Variants in CNTN5 observed in about 807,000 individuals in gnomAD.
The protein encoded by CNTN5 is contactin 5.
In CNTN5, 77 loss-of-function variants were observed where a neutral mutation model predicts 129.1. That is an observed-to-expected ratio of 0.60 (90% CI 0.50 to 0.72). CNTN5 has a LOEUF of 0.72. Among genes scored for constraint, CNTN5 ranks in the 30% least tolerant of loss-of-function variants. The pLI is 0.00. For synonymous variants in CNTN5, 509 were observed against 465.6 expected (o/e 1.09, Z -1.20); for missense variants, 1,478 against 1,328.8 (o/e 1.11, Z -1.75).
intron 21 of CNTN5, chr11:100,308,749 T>G: frequency 9.7e-7 from 1 of 1,031,594 alleles, no homozygotes; most frequent in Non-Finnish European, 1.2e-6. Context: ...GATATTTAAT[T>G]GTATCCAATT....
chr11:99,397,788 T>A (rs1941602632), intron 2 of CNTN5, among the ~76,000 whole-genome samples: 1 of 151,778 alleles, frequency 6.6e-6, no homozygotes, highest in African/African-American at 2.4e-5. Flanking sequence ...AATCAACCAT[T>A]TCTCCAAGGA....
Position 99,238,444 on chromosome 11 carries a change from TG to T in CNTN5, c.-209-86899del, listed in dbSNP as rs1163164466. Among the ~76,000 whole-genome samples the T allele has an allele frequency of 1.1e-4, 16 of 152,304 alleles. No homozygotes were observed. In the South Asian group the frequency reaches 2.9e-3, roughly 28 times the overall value. On this transcript the variant is annotated intron_variant, in intron 1 of 24. Coordinates refer to ENST00000524871, the MANE Select transcript of CNTN5 (RefSeq NM_014361.4). ...ATATCCCAGAATCATCTATCATTGC[TG>T]GGTCTTACACACCACTTCAGGAACT...
intron 2 of CNTN5, among the ~76,000 whole-genome samples, chr11:99,382,643 A>G (rs1454459271): frequency 6.6e-6 from 1 of 152,000 alleles, no homozygotes; most frequent in East Asian, 1.9e-4. Flanking sequence ...ATCCAGTGCC[A>G]TGACTTGAAC....
chr11:99,543,918 CAAAAAAACAA>C (rs770828796), intron 2 of CNTN5, among the ~76,000 whole-genome samples: 89 of 23,156 alleles, frequency 3.8e-3, no homozygotes, highest in South Asian at 8.3e-3. Flanking sequence ...GAGTCTGTCT[CAAAAAAACAA>C]AAAAAAAAAA....
At chr11:100,267,492 A>G (rs964207937) in intron 17 of CNTN5, among the ~76,000 whole-genome samples, 2 of 152,156 alleles carry the variant, frequency 1.3e-5, no homozygotes, top group Non-Finnish European at 2.9e-5. Flanking sequence ...AATTTGAAAT[A>G]GAGTGGTCAG....
intron 6 of CNTN5, among the ~76,000 whole-genome samples, chr11:99,904,122 T>C (rs1949431660): frequency 6.6e-6 from 1 of 152,170 alleles, no homozygotes. Context: ...TAGATAATTT[T>C]GTATCTTATA....
chr11:99,504,249 A>G (rs1946530963), intron 2 of CNTN5, among the ~76,000 whole-genome samples: 1 of 152,234 alleles, frequency 6.6e-6, no homozygotes, highest in South Asian at 2.1e-4. Context: ...ATGATCCAAA[A>G]GAAATTAAAG....
chr11:100,138,632 G>A (rs1037003084), intron 13 of CNTN5, among the ~76,000 whole-genome samples: 1 of 152,040 alleles, frequency 6.6e-6, no homozygotes, highest in Admixed American at 6.6e-5. Flanking sequence ...GGTAGGTGAT[G>A]TGGTTACAGA....
chr11:99,868,506 T>C (rs1276607476), intron 6 of CNTN5, among the ~76,000 whole-genome samples: 1 of 152,218 alleles, frequency 6.6e-6, no homozygotes, highest in Non-Finnish European at 1.5e-5. Context: ...AAATGAGATT[T>C]AAACTTAGGT....
At chr11:100,045,655 A>G (rs1011175305) in intron 9 of CNTN5, among the ~76,000 whole-genome samples, 1 of 152,004 alleles carries the variant, frequency 6.6e-6, no homozygotes, top group Non-Finnish European at 1.5e-5. Context: ...ATGAGACTGG[A>G]AACCAGTGGT....
intron 1 of CNTN5, among the ~76,000 whole-genome samples, chr11:99,030,192 G>GTT (rs202066307): frequency 6.6e-6 from 1 of 150,984 alleles, no homozygotes; most frequent in Admixed American, 6.6e-5. Flanking sequence ...CTAACTCATA[G>GTT]TTTTTTTTTG....
intron 3 of CNTN5, among the ~76,000 whole-genome samples, chr11:99,695,666 G>A (rs1954236529): frequency 6.6e-6 from 1 of 151,840 alleles, no homozygotes; most frequent in Non-Finnish European, 1.5e-5. Context: ...GGTGAGAGGA[G>A]GTTTGAGACC....
intron 1 of CNTN5, among the ~76,000 whole-genome samples, chr11:99,129,047 CTCT>C (rs1371864584): frequency 2.0e-5 from 3 of 152,272 alleles, no homozygotes; most frequent in East Asian, 3.9e-4. Flanking sequence ...CCAGAAATGC[CTCT>C]TCTTCTCCAA....
At chr11:99,553,401 T>G (rs532315052) in intron 2 of CNTN5, among the ~76,000 whole-genome samples, 3 of 152,222 alleles carry the variant, frequency 2.0e-5, no homozygotes, top group East Asian at 3.9e-4. Context: ...ACCTAATATA[T>G]GTGTAATTAA....
At chr11:99,081,295 A>G (rs1028805689) in intron 1 of CNTN5, among the ~76,000 whole-genome samples, 1 of 152,062 alleles carries the variant, frequency 6.6e-6, no homozygotes, top group East Asian at 1.9e-4. Context: ...TTCACAATTA[A>G]CTGTGGAGCT....
At chr11:100,269,834 T>C (rs954046009) in intron 17 of CNTN5, among the ~76,000 whole-genome samples, 3 of 152,144 alleles carry the variant, frequency 2.0e-5, no homozygotes, top group African/African-American at 2.4e-5. Context: ...AACAGTGATG[T>C]TAAGTCCTGG....
intron 4 of CNTN5, among the ~76,000 whole-genome samples, chr11:99,828,268 A>G (rs1272957189): frequency 6.6e-6 from 1 of 152,174 alleles, no homozygotes; most frequent in African/African-American, 2.4e-5. Flanking sequence ...TAAACTAATG[A>G]TAGCATTCTG....
chr11:100,350,768 G>A lies in CNTN5; in HGVS notation c.3097G>A (p.Val1033Ile). The A allele has an allele frequency of 6.2e-7, 1 of 1,609,266 alleles. No individual in the cohort carries two copies. The highest frequency in any genetic ancestry group is 8.5e-7 in the Non-Finnish European group (1 of 1,176,966). The change falls in exon 24 of 25, where the codon GTA becomes ATA. Residue 1033 changes from valine (V) to isoleucine (I), a missense_variant. Transcript: ENST00000524871. ...TGAAACACAGAAACTTCAAGCAGTA[G>A]TACCACTCCCAGATGCTGGAGTCTA... ...VIETQKLQAV[V>I]PLPDAGVYII...
chr11:99,414,239 T>C (rs781445161), intron 2 of CNTN5, among the ~76,000 whole-genome samples: 1 of 152,178 alleles, frequency 6.6e-6, no homozygotes, highest in Non-Finnish European at 1.5e-5. Flanking sequence ...CATTTCCATA[T>C]TGCAATATTG....
Sources: allele counts gnomAD v4.1 joint callset (sites outside exome capture counted in the v4.1 genomes callset), GRCh38; gene constraint gnomAD v4.1.1; transcripts MANE v1.5; gene names NCBI Gene and HGNC (gene_info 2026-07-23, HGNC 2026-07-21).